Variants in SPATA6 observed in about 807,000 individuals in gnomAD.
The protein encoded by SPATA6 is spermatogenesis-associated protein 6.
SPATA6 carries 56 observed loss-of-function variants against 65.3 expected under a neutral mutation model. The observed-to-expected ratio is 0.86, with a 90% confidence interval of 0.69 to 1.07. The LOEUF (loss-of-function observed/expected upper bound fraction) is 1.07, where lower values mean the gene tolerates loss of function less well. Among genes scored for constraint, SPATA6 ranks in the 50% least tolerant of loss-of-function variants. The probability of loss-of-function intolerance (pLI) is 0.00; values close to 1 mark genes in which losing one functional copy is unlikely to be tolerated. For missense variants in SPATA6, 590 were observed against 594.8 expected, an observed-to-expected ratio of 0.99 and a Z score of 0.08; for synonymous variants, 199 against 213.2, an observed-to-expected ratio of 0.93 and a Z score of 0.58.
chr1:48,348,962 T>C (rs1646444030), intron 11 of SPATA6, among the ~76,000 whole-genome samples: 1 of 151,952 alleles, frequency 6.6e-6, no homozygotes, highest in African/African-American at 2.4e-5. Context: ...ATGTGTAAAA[T>C]ATTTTCAGTA....
intron 3 of SPATA6, chr1:48,436,017 C>A (rs1317549492): frequency 6.2e-7 from 1 of 1,608,302 alleles, no homozygotes; most frequent in African/African-American, 1.3e-5. Flanking sequence ...ATGAATCACT[C>A]AGACCTGAAA....
At chr1:48,276,496 C>T in the SPATA6 span, among the ~76,000 whole-genome samples, 1 of 152,202 alleles carries the variant, frequency 6.6e-6, no homozygotes, top group African/African-American at 2.4e-5. Context: ...CCTGTAAACA[C>T]TGTTTTAGCT....
At position 48,420,553 on chromosome 1, in the gene SPATA6, T is replaced by A. The variant is rs528419220; in HGVS notation, c.239-7402A>T. 7.2e-5 allele frequency among the ~76,000 whole-genome samples: 11 copies of A among 152,320 alleles called. No individual in the cohort carries two copies. In the South Asian group the frequency reaches 2.1e-3, roughly 29 times the overall value. On this transcript the variant is annotated intron_variant, in intron 3 of 12. Coordinates refer to ENST00000371847, the MANE Select transcript of SPATA6 (RefSeq NM_019073.4). ...TAAATTGGAGGACACTCAATTGGTA[T>A]CTGCTGAAGAAGTTTATTGCTTGCT...
At chr1:48,347,227 A>G (rs1570236382) in intron 11 of SPATA6, among the ~76,000 whole-genome samples, 1 of 151,886 alleles carries the variant, frequency 6.6e-6, no homozygotes, top group African/African-American at 2.4e-5. Context: ...GGGATTCACT[A>G]TTCAATAAAT....
intron 11 of SPATA6, among the ~76,000 whole-genome samples, chr1:48,347,748 C>T (rs971992767): frequency 6.6e-6 from 1 of 151,678 alleles, no homozygotes; most frequent in African/African-American, 2.4e-5. Context: ...ATTGTGAAAC[C>T]TAAAGAACTT....
At chr1:48,467,888 T>C (rs572293114) in intron 1 of SPATA6, among the ~76,000 whole-genome samples, 12 of 152,046 alleles carry the variant, frequency 7.9e-5, no homozygotes, top group African/African-American at 1.9e-4. Flanking sequence ...ATTCAAAAAA[T>C]TGTAAGTGTT....
chr1:48,421,784 C>T (rs1355285511), intron 3 of SPATA6, among the ~76,000 whole-genome samples: 1 of 151,932 alleles, frequency 6.6e-6, no homozygotes, highest in African/African-American at 2.4e-5. Flanking sequence ...AGCAAATATA[C>T]ACATACACAC....
At chr1:48,428,853 GTGTA>G (rs1654121180) in intron 3 of SPATA6, among the ~76,000 whole-genome samples, 20 of 128,620 alleles carry the variant, frequency 1.6e-4, no homozygotes, top group Admixed American at 1.2e-3. Context: ...ATATATATGT[GTGTA>G]TATATATATA....
At chr1:48,378,367 C>T (rs1226253867) in intron 9 of SPATA6, among the ~76,000 whole-genome samples, 1 of 152,160 alleles carries the variant, frequency 6.6e-6, no homozygotes, top group Non-Finnish European at 1.5e-5. Context: ...ACATGGTTTC[C>T]AAGCTTATAT....
chr1:48,308,265 T>A (rs1344336187), intron 11 of SPATA6, among the ~76,000 whole-genome samples: 1 of 152,034 alleles, frequency 6.6e-6, no homozygotes, highest in African/African-American at 2.4e-5. Flanking sequence ...CCATGAGGAT[T>A]ACAAATAACA....
In SPATA6 at chr1:48,297,818, C is replaced by T. The variant is rs1164572304; in HGVS notation, c.*895G>A. The stretch of plus-strand genomic sequence containing the variant: ...AAGCGTTCTGCTATAATATTTTACT[C>T]ACATTGTGGTTCCAAGTGTTTTTTT... On this transcript the variant is annotated 3_prime_UTR_variant, in exon 13 of 13. Coordinates refer to ENST00000371847, the MANE Select transcript of SPATA6 (RefSeq NM_019073.4). 6.6e-6 allele frequency: 1 copy of T among 151,926 alleles called. No homozygotes were observed. Among genetic ancestry groups the T allele is most frequent in the African/African-American group, 2.4e-5 (1 of 41,392 alleles). The allele number at this position is 151,926 out of a possible 1,614,324, so 9.4% of individuals were successfully genotyped here. A position where few individuals can be genotyped will look rare whatever the true frequency, so the allele number is the denominator to read the frequency against.
At chr1:48,419,068 A>G (rs914646508) in intron 3 of SPATA6, among the ~76,000 whole-genome samples, 7 of 152,192 alleles carry the variant, frequency 4.6e-5, no homozygotes, top group Non-Finnish European at 2.9e-5. Flanking sequence ...CAAACTAGAA[A>G]ATACTTTAAA....
intron 11 of SPATA6, among the ~76,000 whole-genome samples, chr1:48,311,145 G>C (rs2148666187): frequency 6.6e-6 from 1 of 152,126 alleles, no homozygotes; most frequent in South Asian, 2.1e-4. Flanking sequence ...ATAACCCAAA[G>C]CTTTTACTTC....
chr1:48,283,897 A>G, the SPATA6 span, among the ~76,000 whole-genome samples: 1 of 151,842 alleles, frequency 6.6e-6, no homozygotes, highest in African/African-American at 2.4e-5. Flanking sequence ...GAATCTGACA[A>G]TTATGTGTCT....
At chr1:48,439,958 G>C (rs1304107426) in intron 3 of SPATA6, among the ~76,000 whole-genome samples, 1 of 152,162 alleles carries the variant, frequency 6.6e-6, no homozygotes, top group Non-Finnish European at 1.5e-5. Context: ...CAAATGGAGT[G>C]AAACACCTTA....
the SPATA6 span, among the ~76,000 whole-genome samples, chr1:48,273,086 T>G: frequency 3.5e-3 from 536 of 152,334 alleles, 6 homozygotes; most frequent in African/African-American, 0.012. Flanking sequence ...TTTTGTTGAT[T>G]GTTTGCTATA....
chr1:48,440,225 C>T (rs887092660), intron 3 of SPATA6, among the ~76,000 whole-genome samples: 1 of 152,112 alleles, frequency 6.6e-6, no homozygotes, highest in Non-Finnish European at 1.5e-5. Flanking sequence ...TGGCCCAATC[C>T]GGGTACATGT....
At chr1:48,435,447 C>CT (rs1432156865) in intron 3 of SPATA6, among the ~76,000 whole-genome samples, 6 of 152,048 alleles carry the variant, frequency 3.9e-5, no homozygotes, top group Admixed American at 2.6e-4. Flanking sequence ...AATCAGCACT[C>CT]TGTGTCTAGC....
chr1:48,325,339 G>T, intron 11 of SPATA6: 1 of 1,315,266 alleles, frequency 7.6e-7, no homozygotes, highest in Non-Finnish European at 1.1e-6. Flanking sequence ...CCCCCGTAGA[G>T]TCCTCCCCTG....
Sources: gnomAD v4.1 joint callset for allele counts (sites outside exome capture counted in the v4.1 genomes callset) on GRCh38, gnomAD v4.1.1 for gene constraint, MANE v1.5 for transcripts, NCBI Gene and HGNC (gene_info 2026-07-23, HGNC 2026-07-21) for gene names.